MAFF: variants seen among roughly 807,000 people sequenced by gnomAD.
The protein encoded by MAFF is transcription factor MafF.
In MAFF, 4 loss-of-function variants were observed where a neutral mutation model predicts 2.7. The observed-to-expected ratio is 1.48, with a 90% CI of 0.73 to 3.39. The LOEUF is 3.39. Ranked by LOEUF, MAFF falls within the 30% of genes most tolerant of loss-of-function variation. MAFF has a pLI of 0.01. For synonymous variants in MAFF, 113 were observed against 119.4 expected, an observed-to-expected ratio of 0.95 and a Z score of 0.35; for missense variants, 190 against 246.6, an observed-to-expected ratio of 0.77 and a Z score of 1.54.
At chr22:38,210,523 CG>C (rs1165308789) in intron 1 of MAFF, among the ~76,000 whole-genome samples, 3 of 151,766 alleles carry the variant, frequency 2.0e-5, no homozygotes, top group Non-Finnish European at 4.4e-5. Context: ...GCATTCTAAT[CG>C]GGGGGTTGGG....
At chr22:38,212,266 G>T (rs1370731858) in intron 1 of MAFF, among the ~76,000 whole-genome samples, 1 of 152,224 alleles carries the variant, frequency 6.6e-6, no homozygotes, top group Non-Finnish European at 1.5e-5. Flanking sequence ...CTCCTAAAGT[G>T]CTGGGATTAC....
At chr22:38,211,447 G>C (rs1270927260) in intron 1 of MAFF, among the ~76,000 whole-genome samples, 1 of 151,996 alleles carries the variant, frequency 6.6e-6, no homozygotes, top group Non-Finnish European at 1.5e-5. Flanking sequence ...GGCTGGTCTC[G>C]ATCTCCTGAC....
At chr22:38,208,079 T>C (rs1047325269) in intron 1 of MAFF, among the ~76,000 whole-genome samples, 2 of 152,150 alleles carry the variant, frequency 1.3e-5, no homozygotes, top group Non-Finnish European at 2.9e-5. Context: ...TTTCCTGCAG[T>C]TCCCTGTGTG....
At position 38,214,707 on chromosome 22, in the gene MAFF, C is replaced by T. The variant is rs1214398179; in HGVS notation, c.324C>T (p.Arg108=). 1.3e-6 allele frequency: 2 copies of T among 1,537,514 alleles called. No individual in the cohort carries two copies. The highest frequency in any genetic ancestry group is 1.7e-6 in the Non-Finnish European group (2 of 1,143,882). Residue 108 remains arginine, a synonymous_variant, in exon 3 of 3, where the codon CGC becomes CGT. Coordinates refer to ENST00000338483, the MANE Select transcript of MAFF (RefSeq NM_012323.4). The surrounding 1 kb of genome is among the most constrained non-coding windows in gnomAD (Gnocchi z 6.3). The part of the protein sequence containing the change: ...AAMRLELDAL[R]GKCEALQGFA... The stretch of plus-strand genomic sequence containing the variant: ...TGCGCCTGGAGCTCGACGCGCTGCG[C>T]GGCAAGTGCGAGGCGCTGCAGGGCT...
intron 1 of MAFF, among the ~76,000 whole-genome samples, chr22:38,213,176 C>CAAAAAAAAAAAAAAAA (rs57782814): frequency 2.6e-5 from 3 of 114,074 alleles, no homozygotes; most frequent in Non-Finnish European, 3.6e-5. Context: ...GACTCTGTCT[C>CAAAAAAAAAAAAAAAA]AAAAAAAAAA....
At chr22:38,212,380 C>T (rs7286322) in intron 1 of MAFF, among the ~76,000 whole-genome samples, 11,401 of 152,146 alleles carry the variant, frequency 0.075, 1,396 homozygotes, top group African/African-American at 0.26. Context: ...GTTCTCATGG[C>T]GGAGAACCTG....
At position 38,215,239 on chromosome 22, in the gene MAFF, T is replaced by A. The variant is rs2146025720; in HGVS notation, c.*361T>A. ...CTGCTCTTATTGTGCCAATATGCCC[T>A]CCAAACCCTCCCAGGATTCAAAGCT... On this transcript the variant is annotated 3_prime_UTR_variant, in exon 3 of 3. Transcript: ENST00000338483. 1 of 219,310 alleles carries A rather than the reference T, an allele frequency of 4.6e-6. No homozygotes were observed. The highest frequency in any genetic ancestry group is 1.8e-3 in the Middle Eastern group (1 of 550). The allele number at this position is 219,310 out of a possible 1,614,324, so 13.6% of individuals were successfully genotyped here. A position where few individuals can be genotyped will look rare whatever the true frequency, so the allele number is the denominator to read the frequency against.
At chr22:38,210,683 C>T (rs1425802915) in intron 1 of MAFF, among the ~76,000 whole-genome samples, 1 of 127,642 alleles carries the variant, frequency 7.8e-6, no homozygotes, top group Non-Finnish European at 1.7e-5. Flanking sequence ...TCAGGGGTTG[C>T]AAATTCTAAA....
rs532544241 is a variant in MAFF, at chr22:38,216,069, G to A, written c.*1191G>A. The A allele has an allele frequency of 3.1e-4, 51 of 167,166 alleles. No homozygotes were observed. The highest frequency in any genetic ancestry group is 5.0e-4 in the Non-Finnish European group (34 of 68,114). 10.4% of individuals were successfully genotyped at this position (167,166 alleles called of 1,614,324 possible). A position where few individuals can be genotyped will look rare whatever the true frequency, so the allele number is the denominator to read the frequency against. On this transcript the variant is annotated 3_prime_UTR_variant, in exon 3 of 3. Coordinates refer to ENST00000338483, the MANE Select transcript of MAFF (RefSeq NM_012323.4). ...TTTTATCTTATATTTAGGGAAAGCCGGAGAGCAACAACAAAAAATGTTTAA... is the reference window on the plus strand; with the variant it reads ...TTTTATCTTATATTTAGGGAAAGCCAGAGAGCAACAACAAAAAATGTTTAA...
intron 1 of MAFF, among the ~76,000 whole-genome samples, chr22:38,210,195 C>T (rs2146018277): frequency 6.6e-6 from 1 of 152,304 alleles, no homozygotes; most frequent in Non-Finnish European, 1.5e-5. Flanking sequence ...CACCCAGCTA[C>T]CCCCAGCGAA....
intron 1 of MAFF, among the ~76,000 whole-genome samples, chr22:38,211,596 G>T (rs2051649290): frequency 6.6e-6 from 1 of 152,192 alleles, no homozygotes; most frequent in Non-Finnish European, 1.5e-5. Context: ...TGAGCCGTGG[G>T]AAGGTCCTGA....
At chr22:38,213,651 T>A (rs2091119370) in intron 1 of MAFF, 172 bp from the exon 2 acceptor site, 1 of 687,804 alleles carries the variant, frequency 1.5e-6, no homozygotes, top group South Asian at 1.5e-5. Context: ...CTCCCGCGGC[T>A]GGAAGGAGCC....
rs775168420 is a variant in MAFF, at chr22:38,214,486, C to A, written c.103C>A (p.Arg35Ser). The A allele has an allele frequency of 6.2e-7, 1 of 1,610,004 alleles. No individual in the cohort carries two copies. The highest frequency in any genetic ancestry group is 2.2e-5 in the East Asian group (1 of 44,826). Residue 35 changes from arginine (R) to serine (S), a missense_variant, in exon 3 of 3, where the codon CGC (arginine) becomes AGC (serine). Physicochemically the swap from Arg to Ser is moderately radical, Grantham distance 110 (BLOSUM62 -1). Transcript: ENST00000338483. The surrounding 1 kb of genome is among the most constrained non-coding windows in gnomAD (Gnocchi z 6.3). ...CGAGGCGCTGATGGGGCTGTCGGTGCGCGAGCTGAACCGGCATCTGCGCGG... is the reference window on the plus strand; with the variant it reads ...CGAGGCGCTGATGGGGCTGTCGGTGAGCGAGCTGAACCGGCATCTGCGCGG... ...SDEALMGLSV[R>S]ELNRHLRGLS... is the part of the protein sequence containing the mutation.
chr22:38,215,500 G>T lies in MAFF; in HGVS notation c.*622G>T, dbSNP rs1031470098. On this transcript the variant is annotated 3_prime_UTR_variant, in exon 3 of 3. Coordinates refer to ENST00000338483, the MANE Select transcript of MAFF (RefSeq NM_012323.4). ...TCACTGCTGCCCTGAGTCCAGCCAT[G>T]GTTTTCAGGGGGACAGTGGACAGGG... 1 of 167,208 alleles carries T rather than the reference G, an allele frequency of 6.0e-6. No homozygotes were observed. The highest frequency in any genetic ancestry group is 1.5e-5 in the Non-Finnish European group (1 of 68,192). 10.4% of individuals were successfully genotyped at this position (167,208 alleles called of 1,614,324 possible). A position where few individuals can be genotyped will look rare whatever the true frequency, so the allele number is the denominator to read the frequency against.
chr22:38,212,401 C>T (rs949336071), intron 1 of MAFF, among the ~76,000 whole-genome samples: 2 of 152,180 alleles, frequency 1.3e-5, no homozygotes, highest in African/African-American at 4.8e-5. Flanking sequence ...AGAGGATTGG[C>T]AAAGTAGATC....
At chr22:38,213,176 C>CAA (rs57782814) in intron 1 of MAFF, among the ~76,000 whole-genome samples, 68 of 114,040 alleles carry the variant, frequency 6.0e-4, no homozygotes, top group South Asian at 1.0e-3. Context: ...GACTCTGTCT[C>CAA]AAAAAAAAAA....
Position 38,214,743 on chromosome 22 carries a change from C to T in MAFF, c.360C>T (p.Ser120=). Residue 120 remains serine (S), a synonymous_variant, in exon 3 of 3, where the codon TCC becomes TCT. Transcript: ENST00000338483. The surrounding 1 kb of genome is among the most constrained non-coding windows in gnomAD (Gnocchi z 6.3). ...KCEALQGFAR[S]VAAARGPATL... ...AGGCGCTGCAGGGCTTCGCGCGCTC[C>T]GTGGCCGCCGCCCGCGGGCCCGCCA... 1.4e-6 allele frequency: 2 copies of T among 1,410,946 alleles called. No homozygotes were observed. The highest frequency in any genetic ancestry group is 3.6e-5 in the Admixed American group (1 of 27,924). The allele number at this position is 1,410,946 out of a possible 1,614,324, so 87.4% of individuals were successfully genotyped here.
At position 38,213,883 on chromosome 22, in the gene MAFF, T is replaced by G. The variant is rs752522153; in HGVS notation, c.30T>G (p.Ala10=). 2 of 1,614,182 alleles carry G rather than the reference T, an allele frequency of 1.2e-6. No individual in the cohort carries two copies. The highest frequency in any genetic ancestry group is 2.2e-5 in the South Asian group (2 of 91,084). Residue 10 remains alanine, a synonymous_variant, in exon 2 of 3, where the codon GCT becomes GCG. Coordinates refer to ENST00000338483, the MANE Select transcript of MAFF (RefSeq NM_012323.4). ...CTGTGGATCCCCTATCCAGCAAAGCTCTAAAGGTGAGGAGGCAGCCTCTGT... is the reference window on the plus strand; with the variant it reads ...CTGTGGATCCCCTATCCAGCAAAGCGCTAAAGGTGAGGAGGCAGCCTCTGT... MSVDPLSSK[A]LKIKRELSEN...
At chr22:38,208,645 G>A (rs1568998405) in intron 1 of MAFF, among the ~76,000 whole-genome samples, 10 of 152,172 alleles carry the variant, frequency 6.6e-5, no homozygotes, top group Admixed American at 6.6e-4. Context: ...GAGATGGGTG[G>A]CCTCAAGCAC....
Sources: gnomAD v4.1 joint callset for allele counts (sites outside exome capture counted in the v4.1 genomes callset) on GRCh38, gnomAD v4.1.1 for gene constraint, Gnocchi (gnomAD v3.1) non-coding constraint, MANE v1.5 for transcripts, NCBI Gene and HGNC (gene_info 2026-07-23, HGNC 2026-07-21) for gene names.